The following GLIS3 variants were observed in gnomAD, a reference collection of about 807,000 sequenced individuals.
GLIS3 encodes the protein zinc finger protein GLIS3.
Under a neutral mutation model 78.6 loss-of-function variants are expected in GLIS3, and 53 were observed. That is an observed-to-expected ratio of 0.67 (90% CI 0.54 to 0.85). GLIS3 has a LOEUF of 0.85. GLIS3 is among the 40% of genes least tolerant of loss of function. The pLI is 0.00. For missense variants in GLIS3, 1,703 were observed against 1,231.1 expected (o/e 1.38, Z -5.74); for synonymous variants, 684 against 509.9 (o/e 1.34, Z -4.60).
intron 4 of GLIS3, among the ~76,000 whole-genome samples, chr9:3,961,322 C>A (rs1488526715): frequency 6.6e-6 from 1 of 152,106 alleles, no homozygotes; most frequent in Non-Finnish European, 1.5e-5. Flanking sequence ...TAAAAATAAA[C>A]AAACAAGTAG....
Position 4,166,177 on chromosome 9 carries a change from T to C in GLIS3, c.389-40236A>G, listed in dbSNP as rs548894851. Among the ~76,000 whole-genome samples, 6 of 152,294 alleles carry C rather than the reference T, an allele frequency of 3.9e-5. No homozygotes were observed. In the South Asian group the frequency reaches 1.2e-3, roughly 32 times the overall value. ...TTCTGAGGGAAAGTACTTGACACAGTGTCGGGCTCATATTAAGCATCCAAA... is the reference window on the plus strand; with the variant it reads ...TTCTGAGGGAAAGTACTTGACACAGCGTCGGGCTCATATTAAGCATCCAAA... On this transcript the variant is annotated intron_variant, in intron 2 of 10. Coordinates refer to ENST00000381971, the MANE Select transcript of GLIS3 (RefSeq NM_001042413.2).
At chr9:4,290,838 G>A (rs1815896348) in intron 1 of GLIS3, among the ~76,000 whole-genome samples, 1 of 152,112 alleles carries the variant, frequency 6.6e-6, no homozygotes, top group African/African-American at 2.4e-5. Flanking sequence ...GCAAACATGT[G>A]CCTGTGAAAC....
At chr9:4,435,870 A>G in the GLIS3 span, among the ~76,000 whole-genome samples, 4 of 152,080 alleles carry the variant, frequency 2.6e-5, no homozygotes, top group African/African-American at 9.7e-5. Flanking sequence ...AATGGCATAA[A>G]CTCGGGAGGT....
the GLIS3 span, among the ~76,000 whole-genome samples, chr9:4,392,419 T>C: frequency 3.9e-5 from 6 of 152,132 alleles, no homozygotes; most frequent in African/African-American, 1.4e-4. Context: ...TAAAAAATAA[T>C]AACAAATGTT....
At chr9:4,479,185 T>C in the GLIS3 span, among the ~76,000 whole-genome samples, 1 of 152,174 alleles carries the variant, frequency 6.6e-6, no homozygotes, top group African/African-American at 2.4e-5. Flanking sequence ...CTCAGCCTCC[T>C]AGAGTGCTGG....
At chr9:4,159,438 G>T (rs1835300544) in intron 2 of GLIS3, among the ~76,000 whole-genome samples, 1 of 152,306 alleles carries the variant, frequency 6.6e-6, no homozygotes, top group East Asian at 1.9e-4. Flanking sequence ...TAAATCTGTG[G>T]CCAGGCGCAG....
At chr9:4,041,934 T>G (rs914881755) in intron 4 of GLIS3, among the ~76,000 whole-genome samples, 1 of 152,190 alleles carries the variant, frequency 6.6e-6, no homozygotes, top group African/African-American at 2.4e-5. Flanking sequence ...TGACTCTGCT[T>G]TAGTGTAATT....
intron 6 of GLIS3, 31 bp from the exon 7 acceptor site, chr9:3,898,866 A>G (rs753239534): frequency 6.2e-7 from 1 of 1,613,214 alleles, no homozygotes; most frequent in Admixed American, 1.7e-5. Context: ...AGACATCGAT[A>G]AGGAGAGCCG....
At chr9:4,083,305 A>G (rs771129796) in intron 4 of GLIS3, among the ~76,000 whole-genome samples, 1 of 152,154 alleles carries the variant, frequency 6.6e-6, no homozygotes, top group Non-Finnish European at 1.5e-5. Context: ...CATTGCACCA[A>G]AGCAGACATC....
chr9:4,470,057 G>C, the GLIS3 span, among the ~76,000 whole-genome samples: 2,072 of 152,228 alleles, frequency 0.014, 51 homozygotes, highest in African/African-American at 0.048. Flanking sequence ...AAAACAGAAA[G>C]AAGTTAAATC....
intron 7 of GLIS3, among the ~76,000 whole-genome samples, chr9:3,892,595 C>T (rs1209734308): frequency 6.6e-6 from 1 of 152,096 alleles, no homozygotes; most frequent in Non-Finnish European, 1.5e-5. Flanking sequence ...CTTTGCTATT[C>T]TTAAGATTTT....
At chr9:4,033,265 T>C (rs550371562) in intron 4 of GLIS3, among the ~76,000 whole-genome samples, 2 of 152,250 alleles carry the variant, frequency 1.3e-5, no homozygotes, top group East Asian at 3.9e-4. Context: ...ATCTATCTTA[T>C]AGCATAAAGG....
At chr9:4,284,814 G>A (rs902398879) in intron 2 of GLIS3, among the ~76,000 whole-genome samples, 5 of 151,952 alleles carry the variant, frequency 3.3e-5, no homozygotes, top group Non-Finnish European at 7.4e-5. Context: ...GCTACTTGGG[G>A]GACTGAAGCA....
chr9:3,935,016 G>T (rs1048217642), intron 5 of GLIS3, among the ~76,000 whole-genome samples: 1 of 152,084 alleles, frequency 6.6e-6, no homozygotes, highest in Non-Finnish European at 1.5e-5. Flanking sequence ...ACTTTTAAGG[G>T]TTAGAATTAG....
At chr9:4,177,399 C>T (rs912030491) in intron 2 of GLIS3, among the ~76,000 whole-genome samples, 1 of 152,160 alleles carries the variant, frequency 6.6e-6, no homozygotes, top group African/African-American at 2.4e-5. Flanking sequence ...GGGCTAATCA[C>T]TTTTAGATCA....
chr9:4,380,878 A>G, the GLIS3 span, among the ~76,000 whole-genome samples: 102 of 152,180 alleles, frequency 6.7e-4, no homozygotes, highest in Non-Finnish European at 1.1e-3. Context: ...ATCTCTCAAA[A>G]TGTCTCTAAG....
chr9:4,309,089 T>A (rs1817298456), intron 3 of GLIS3: 1 of 152,226 alleles, frequency 6.6e-6, no homozygotes, highest in South Asian at 2.1e-4. Context: ...ATAAAAGCAT[T>A]TTTTAAGATA....
the GLIS3 span, among the ~76,000 whole-genome samples, chr9:4,417,925 G>T: frequency 2.6e-5 from 4 of 152,116 alleles, no homozygotes; most frequent in African/African-American, 9.7e-5. Context: ...TAGGTTTAGG[G>T]GTTGGGGAAC....
intron 9 of GLIS3, among the ~76,000 whole-genome samples, chr9:3,852,618 G>T (rs1432837408): frequency 6.6e-6 from 1 of 152,128 alleles, no homozygotes; most frequent in African/African-American, 2.4e-5. Context: ...TTACCCTGAA[G>T]AGTAGTAGAT....
Sources: allele counts gnomAD v4.1 joint callset (sites outside exome capture counted in the v4.1 genomes callset), GRCh38; gene constraint gnomAD v4.1.1; transcripts MANE v1.5; gene names NCBI Gene and HGNC (gene_info 2026-07-23, HGNC 2026-07-21).